Variants in MYO6 observed in about 807,000 individuals in gnomAD.
MYO6 encodes myosin VI, also known as unconventional myosin-VI.
Under a neutral mutation model 178.7 loss-of-function variants are expected in MYO6, and 74 were observed. The ratio of observed to expected loss-of-function variants is 0.41; its 90% CI spans 0.34 to 0.50. The LOEUF (loss-of-function observed/expected upper bound fraction) is 0.50, where lower values mean the gene tolerates loss of function less well. MYO6 is among the 20% of genes least tolerant of loss of function. The pLI, the probability that MYO6 is intolerant of heterozygous loss-of-function variation, is 0.09. For synonymous variants in MYO6, 477 were observed against 504.6 expected (o/e 0.95, Z 0.73); for missense variants, 1,330 against 1,547.4 (o/e 0.86, Z 2.36).
At chr6:75,775,666 G>T (rs1766310810) in intron 1 of MYO6, among the ~76,000 whole-genome samples, 1 of 152,128 alleles carries the variant, frequency 6.6e-6, no homozygotes, top group Non-Finnish European at 1.5e-5. Context: ...TTCCAGTTAG[G>T]CTGCTCAGGG....
chr6:75,762,247 C>A (rs992587290), intron 1 of MYO6, among the ~76,000 whole-genome samples: 4 of 152,154 alleles, frequency 2.6e-5, no homozygotes, highest in Admixed American at 2.0e-4. Context: ...ATAATTATAA[C>A]AATTCTTGAG....
At chr6:75,790,739 TA>T (rs1372921007) in intron 1 of MYO6, among the ~76,000 whole-genome samples, 2 of 152,188 alleles carry the variant, frequency 1.3e-5, no homozygotes, top group East Asian at 3.9e-4. Flanking sequence ...CATTTTAGTA[TA>T]TATTTTTTGG....
intron 1 of MYO6, among the ~76,000 whole-genome samples, chr6:75,767,099 C>T (rs1037746532): frequency 6.6e-6 from 1 of 151,788 alleles, no homozygotes; most frequent in Non-Finnish European, 1.5e-5. Flanking sequence ...AATCTTGGCT[C>T]ACTGCCACCT....
At chr6:75,826,718 C>T (rs892680091) in intron 3 of MYO6, among the ~76,000 whole-genome samples, 1 of 152,056 alleles carries the variant, frequency 6.6e-6, no homozygotes, top group Non-Finnish European at 1.5e-5. Flanking sequence ...TTCCTTAATT[C>T]AAAGGAAAGC....
chr6:75,866,299 G>T (rs1189489141), intron 16 of MYO6, among the ~76,000 whole-genome samples: 8 of 151,464 alleles, frequency 5.3e-5, no homozygotes, highest in Non-Finnish European at 1.2e-4. Context: ...GTGTGTGTGT[G>T]TGTGTGTGTC....
intron 1 of MYO6, among the ~76,000 whole-genome samples, chr6:75,815,911 ATTTACCAGATGATCCATTGTTACAT>A (rs1235298913): frequency 6.6e-6 from 1 of 152,208 alleles, no homozygotes; most frequent in Non-Finnish European, 1.5e-5. Flanking sequence ...ATCTGGGATC[ATTTACCAGATGATCCATTGTTACAT>A]TTTAGTCTCA....
intron 1 of MYO6, among the ~76,000 whole-genome samples, chr6:75,781,614 C>T (rs1766986440): frequency 6.6e-6 from 1 of 152,022 alleles, no homozygotes; most frequent in Admixed American, 6.6e-5. Context: ...GAAACTGTTT[C>T]TGTTCAAGAT....
chr6:75,829,803 C>A (rs1772890468), intron 4 of MYO6, among the ~76,000 whole-genome samples: 1 of 152,124 alleles, frequency 6.6e-6, no homozygotes, highest in Non-Finnish European at 1.5e-5. Context: ...GCTCATTAAA[C>A]ATTTAACCCA....
chr6:75,912,334 T>G (rs2149428452), intron 33 of MYO6, among the ~76,000 whole-genome samples: 1 of 152,192 alleles, frequency 6.6e-6, no homozygotes, highest in African/African-American at 2.4e-5. Flanking sequence ...TTGGACCTGA[T>G]GTTTTGAAGT....
intron 3 of MYO6, among the ~76,000 whole-genome samples, chr6:75,825,616 G>A (rs1772389025): frequency 2.6e-5 from 4 of 152,064 alleles, no homozygotes; most frequent in Admixed American, 2.0e-4. Context: ...AAATAAAATT[G>A]GAAAGAATTC....
At chr6:75,793,836 T>C (rs2150094074) in intron 1 of MYO6, among the ~76,000 whole-genome samples, 1 of 152,276 alleles carries the variant, frequency 6.6e-6, no homozygotes, top group Admixed American at 6.5e-5. Context: ...AAAAATTACA[T>C]AGTTGGGAAC....
intron 1 of MYO6, among the ~76,000 whole-genome samples, chr6:75,757,265 GTA>G (rs1777517757): frequency 6.8e-6 from 1 of 146,144 alleles, no homozygotes; most frequent in African/African-American, 2.5e-5. Context: ...GTGTATATAT[GTA>G]TATAGACATA....
intron 11 of MYO6, among the ~76,000 whole-genome samples, chr6:75,851,392 A>G (rs939102699): frequency 2.0e-5 from 3 of 152,240 alleles, no homozygotes; most frequent in East Asian, 1.9e-4. Context: ...ATTTTATTAT[A>G]TTTGTCTTCA....
intron 1 of MYO6, among the ~76,000 whole-genome samples, chr6:75,793,471 G>T (rs1225095670): frequency 6.6e-6 from 1 of 152,038 alleles, no homozygotes; most frequent in Non-Finnish European, 1.5e-5. Context: ...AGACATGGTG[G>T]CGGGCGCCTG....
intron 3 of MYO6, among the ~76,000 whole-genome samples, chr6:75,824,203 C>G (rs1772198975): frequency 2.0e-5 from 3 of 152,156 alleles, no homozygotes; most frequent in African/African-American, 2.4e-5. Context: ...AAAACATTCT[C>G]TCTCCATTTG....
At chr6:75,838,492 A>G (rs1430669022) in intron 7 of MYO6, among the ~76,000 whole-genome samples, 1 of 152,070 alleles carries the variant, frequency 6.6e-6, no homozygotes, top group Non-Finnish European at 1.5e-5. Context: ...TTTCTGTTGG[A>G]GAGGTTCTTA....
intron 30 of MYO6, among the ~76,000 whole-genome samples, chr6:75,902,119 T>C (rs371878962): frequency 6.6e-6 from 1 of 152,114 alleles, no homozygotes; most frequent in East Asian, 1.9e-4. Flanking sequence ...CTGCTGGATT[T>C]GGTTTGCCAG....
At chr6:75,834,221 T>G (rs923226428) in intron 6 of MYO6, among the ~76,000 whole-genome samples, 1 of 152,130 alleles carries the variant, frequency 6.6e-6, no homozygotes, top group Non-Finnish European at 1.5e-5. Flanking sequence ...TTTGTTTGTT[T>G]GGTTTGGTTT....
intron 30 of MYO6, among the ~76,000 whole-genome samples, chr6:75,903,919 C>T (rs536174993): frequency 6.6e-6 from 1 of 150,932 alleles, no homozygotes; most frequent in Non-Finnish European, 1.5e-5. Context: ...TTAGGGCAGG[C>T]CTGGTGGTGA....
Sources: gnomAD v4.1 joint callset for allele counts (sites outside exome capture counted in the v4.1 genomes callset) on GRCh38, gnomAD v4.1.1 for gene constraint, MANE v1.5 for transcripts, NCBI Gene and HGNC (gene_info 2026-07-23, HGNC 2026-07-21) for gene names.